Variants in ADGRD1 observed in about 807,000 individuals in gnomAD.
The protein encoded by ADGRD1 is G-protein coupled receptor 133.
ADGRD1 carries 77 observed loss-of-function variants against 113.4 expected under a neutral mutation model. That is an observed-to-expected ratio of 0.68 (90% CI 0.57 to 0.82). The LOEUF is 0.82. Among genes scored for constraint, ADGRD1 ranks in the 40% least tolerant of loss-of-function variants. The probability of loss-of-function intolerance (pLI) is 0.00; values close to 1 mark genes in which losing one functional copy is unlikely to be tolerated. For missense variants in ADGRD1, 1,036 were observed against 1,139.1 expected, an observed-to-expected ratio of 0.91 and a Z score of 1.30; for synonymous variants, 474 against 475.0, an observed-to-expected ratio of 1.00 and a Z score of 0.03.
At chr12:131,033,779 T>C (rs1159784944) in intron 13 of ADGRD1, among the ~76,000 whole-genome samples, 1 of 152,126 alleles carries the variant, frequency 6.6e-6, no homozygotes, top group Non-Finnish European at 1.5e-5. Context: ...TCCTCTGTGG[T>C]CATTTCCACG....
chr12:131,137,783 TG>T (rs1951129151), intron 23 of ADGRD1: 1 of 321,456 alleles, frequency 3.1e-6, no homozygotes, highest in African/African-American at 2.1e-5. Context: ...TGGATCCCGG[TG>T]GCAGGAAGGC....
intron 2 of ADGRD1, among the ~76,000 whole-genome samples, chr12:130,963,182 T>C (rs1015580487): frequency 4.0e-5 from 6 of 151,412 alleles, no homozygotes; most frequent in Admixed American, 1.3e-4. Context: ...TAGCCAGGCG[T>C]GGTGGCGGGC....
chr12:131,062,479 C>T (rs1435938834), intron 13 of ADGRD1, among the ~76,000 whole-genome samples: 1 of 152,212 alleles, frequency 6.6e-6, no homozygotes, highest in East Asian at 1.9e-4. Flanking sequence ...ACTGTGTCCT[C>T]ACCCAAATCT....
intron 2 of ADGRD1, among the ~76,000 whole-genome samples, chr12:130,955,853 G>T (rs1364665968): frequency 6.6e-6 from 1 of 152,192 alleles, no homozygotes; most frequent in Admixed American, 6.5e-5. Flanking sequence ...TGAGATCTCA[G>T]TCTCGGCTCT....
chr12:131,137,008 T>C lies in ADGRD1; in HGVS notation c.2430T>C (p.Asn810=). ...LFIFLFHCLL[N]SEVRAAFKHK... ...TATTCCTCTTTCATTGTCTCCTGAA[T>C]TCAGAGGTACGTCCGCTCTGCTTGC... The change falls in exon 23 of 25, where the codon AAT becomes AAC. Residue 810 remains asparagine (N), a synonymous_variant. Coordinates refer to ENST00000261654, the MANE Select transcript of ADGRD1 (RefSeq NM_198827.5). 1.9e-6 allele frequency: 3 copies of C among 1,612,380 alleles called. No individual in the cohort carries two copies. The highest frequency in any genetic ancestry group is 2.5e-6 in the Non-Finnish European group (3 of 1,178,388).
intron 23 of ADGRD1, among the ~76,000 whole-genome samples, chr12:131,137,265 G>A (rs1951110391): frequency 1.3e-5 from 2 of 152,256 alleles, no homozygotes; most frequent in South Asian, 4.1e-4. Flanking sequence ...ATCTTAGGGA[G>A]AGTGAGATGT....
In ADGRD1 at chr12:131,139,860, CAGTTGGG is replaced by C. The variant is rs1951200279; in HGVS notation, c.*598_*604del. ...CGTGGGCCAACCTGTGCTGTGTCAT[CAGTTGGG>C]GGCCCCTGCCCAAGCCGAGCTCGAG... On this transcript the variant is annotated 3_prime_UTR_variant, in exon 25 of 25. Coordinates refer to ENST00000261654, the MANE Select transcript of ADGRD1 (RefSeq NM_198827.5). 6.5e-6 allele frequency: 1 copy of C among 152,672 alleles called. No homozygotes were observed. Among genetic ancestry groups the C allele is most frequent in the Non-Finnish European group, 1.5e-5 (1 of 68,394 alleles). 9.5% of individuals were successfully genotyped at this position (152,672 alleles called of 1,614,324 possible). A position where few individuals can be genotyped will look rare whatever the true frequency, so the allele number is the denominator to read the frequency against.
At chr12:131,037,481 C>T (rs1386468235) in intron 13 of ADGRD1, among the ~76,000 whole-genome samples, 4 of 143,176 alleles carry the variant, frequency 2.8e-5, no homozygotes, top group Admixed American at 2.7e-4. Context: ...CCGGGCCTCA[C>T]TCACTGCACT....
At chr12:131,033,507 C>T (rs781232962) in intron 13 of ADGRD1, among the ~76,000 whole-genome samples, 1 of 152,222 alleles carries the variant, frequency 6.6e-6, no homozygotes, top group Non-Finnish European at 1.5e-5. Context: ...GCCCCCTGAA[C>T]GCAGGGAATT....
rs547309438 is a variant in ADGRD1 at position 131,123,771 on chromosome 12, G to A, written c.2175+2858G>A. 7.3e-5 allele frequency among the ~76,000 whole-genome samples: 11 copies of A among 151,138 alleles called. No individual in the cohort carries two copies. In the East Asian group the frequency reaches 7.9e-4, roughly 11 times the overall value. ...CGGGAGGCGGGTCTTGCAGTGAGCC[G>A]AGATTGCGCCACTGCACTCCATCCA... On this transcript the variant is annotated intron_variant, in intron 20 of 24. Coordinates refer to ENST00000261654, the MANE Select transcript of ADGRD1 (RefSeq NM_198827.5).
In ADGRD1 at chr12:130,980,364, T is replaced by A. The variant is rs192369553; in HGVS notation, c.311-1520T>A. On this transcript the variant is annotated intron_variant, in intron 4 of 24. Coordinates refer to ENST00000261654, the MANE Select transcript of ADGRD1 (RefSeq NM_198827.5). ...CATGATCCACCCGCCTCGGCCTCCCTAAGTGCTGGGATTACAGGCGTGAGC... is the reference window on the plus strand; with the variant it reads ...CATGATCCACCCGCCTCGGCCTCCCAAAGTGCTGGGATTACAGGCGTGAGC... 1.7e-3 allele frequency among the ~76,000 whole-genome samples: 253 copies of A among 150,598 alleles called. 2 individuals are homozygous for A. The highest frequency in any genetic ancestry group is 5.8e-3 in the African/African-American group (236 of 40,856).
chr12:131,013,357 A>G (rs73475012), intron 12 of ADGRD1, among the ~76,000 whole-genome samples: 7,149 of 152,114 alleles, frequency 0.047, 419 homozygotes, highest in African/African-American at 0.14. Context: ...TCTCTCAGCA[A>G]TTCCCTTCTC....
At position 131,138,133 on chromosome 12, in the gene ADGRD1, C is replaced by T; in HGVS notation, c.2437-4C>T. 6.2e-7 allele frequency: 1 copy of T among 1,613,156 alleles called. No individual in the cohort carries two copies. The highest frequency in any genetic ancestry group is 1.3e-5 in the African/African-American group (1 of 75,042). ...GCTCTCACGATCCCTTCCCCGCTTTCAAGGTGAGAGCCGCCTTCAAGCACA... is the reference window on the plus strand; with the variant it reads ...GCTCTCACGATCCCTTCCCCGCTTTTAAGGTGAGAGCCGCCTTCAAGCACA... On this transcript the variant is annotated splice_region_variant and splice_polypyrimidine_tract_variant and intron_variant, in intron 23 of 24. Coordinates refer to ENST00000261654, the MANE Select transcript of ADGRD1 (RefSeq NM_198827.5).
At chr12:130,991,494 T>C (rs535438765) in intron 7 of ADGRD1, among the ~76,000 whole-genome samples, 1 of 152,318 alleles carries the variant, frequency 6.6e-6, no homozygotes, top group East Asian at 1.9e-4. Context: ...AGAACGTTAA[T>C]ATAATAGTGA....
chr12:131,117,803 C>T (rs1443789373), intron 18 of ADGRD1, among the ~76,000 whole-genome samples: 6 of 152,354 alleles, frequency 3.9e-5, no homozygotes, highest in South Asian at 2.1e-4. Context: ...CAGCCATGTC[C>T]GATGTCCCCT....
intron 15 of ADGRD1, among the ~76,000 whole-genome samples, chr12:131,102,983 G>A (rs947785065): frequency 9.2e-5 from 14 of 152,222 alleles, no homozygotes; most frequent in African/African-American, 2.9e-4. Flanking sequence ...GGGCTCCCCT[G>A]TGACTGCCCC....
chr12:131,134,509 C>T (rs1028872020), intron 21 of ADGRD1, among the ~76,000 whole-genome samples: 2 of 152,242 alleles, frequency 1.3e-5, no homozygotes, highest in African/African-American at 4.8e-5. Context: ...GATACGGTTT[C>T]CCGGGACCTA....
At chr12:131,139,029 G>A in intron 24 of ADGRD1, 139 bp from the exon 25 acceptor site, 2 of 631,522 alleles carry the variant, frequency 3.2e-6, no homozygotes, top group Admixed American at 2.8e-5. Flanking sequence ...GAGCATGGGG[G>A]CTCCCTTCTC....
chr12:131,016,886 C>G (rs1878631298), intron 13 of ADGRD1, among the ~76,000 whole-genome samples: 1 of 46,408 alleles, frequency 2.2e-5, no homozygotes, highest in African/African-American at 9.3e-5. Context: ...GAGTGAGACT[C>G]TGCCTCAAAA....
Sources: gnomAD v4.1 joint callset for allele counts (sites outside exome capture counted in the v4.1 genomes callset) on GRCh38, gnomAD v4.1.1 for gene constraint, MANE v1.5 for transcripts, NCBI Gene and HGNC (gene_info 2026-07-23, HGNC 2026-07-21) for gene names.